Variants in KCNH8 observed in about 807,000 individuals in gnomAD.
KCNH8 encodes the protein potassium voltage-gated channel subfamily H member 8, also known as voltage-gated delayed rectifier potassium channel KCNH8.
In KCNH8, 70 loss-of-function variants were observed where a neutral mutation model predicts 103.6. The ratio of observed to expected loss-of-function variants is 0.68; its 90% CI spans 0.56 to 0.82. KCNH8 has a LOEUF of 0.82. Among genes scored for constraint, KCNH8 ranks in the 40% least tolerant of loss-of-function variants. The pLI, the probability that KCNH8 is intolerant of heterozygous loss-of-function variation, is 0.00. For synonymous variants in KCNH8, 498 were observed against 489.4 expected (o/e 1.02, Z -0.23); for missense variants, 1,217 against 1,329.9 (o/e 0.92, Z 1.32).
Position 19,148,716 on chromosome 3 carries a change from A to G in KCNH8, c.-4A>G, listed in dbSNP as rs950856348. ...GATGGAGAATTTCACACCACGCTGG[A>G]AAAATGCCGGTTATGAAAGGATTAC... On this transcript the variant is annotated 5_prime_UTR_variant, in exon 1 of 16. Transcript: ENST00000328405. The G allele has an allele frequency of 2.5e-6, 4 of 1,613,948 alleles. No homozygotes were observed. In the Admixed American group the frequency reaches 6.7e-5, roughly 27 times the overall value.
At chr3:19,322,385 G>A (rs1379856614) in intron 3 of KCNH8, among the ~76,000 whole-genome samples, 1 of 152,156 alleles carries the variant, frequency 6.6e-6, no homozygotes, top group Non-Finnish European at 1.5e-5. Flanking sequence ...TGGCTTTGCA[G>A]TGGTGAATTC....
At chr3:19,150,349 GTT>G in intron 1 of KCNH8, among the ~76,000 whole-genome samples, 1 of 145,898 alleles carries the variant, frequency 6.9e-6, no homozygotes, top group African/African-American at 2.5e-5. Flanking sequence ...TAATGTGGAT[GTT>G]TTTTTTTTTG....
intron 11 of KCNH8, among the ~76,000 whole-genome samples, chr3:19,509,740 C>T (rs146353815): frequency 8.4e-4 from 128 of 152,044 alleles, no homozygotes; most frequent in African/African-American, 2.9e-3. Context: ...ATATTTGATT[C>T]AATTAGGGGA....
chr3:19,296,764 G>C (rs2065001101), intron 3 of KCNH8, among the ~76,000 whole-genome samples: 1 of 151,954 alleles, frequency 6.6e-6, no homozygotes, highest in Non-Finnish European at 1.5e-5. Context: ...CAGGTGATGG[G>C]TGCACCAAAA....
chr3:19,479,951 A>G (rs2068055062), intron 11 of KCNH8, among the ~76,000 whole-genome samples: 1 of 152,190 alleles, frequency 6.6e-6, no homozygotes, highest in Non-Finnish European at 1.5e-5. Flanking sequence ...AGAAGATACC[A>G]TGAATCAGTC....
At chr3:19,300,131 C>G (rs549511121) in intron 3 of KCNH8, among the ~76,000 whole-genome samples, 1 of 151,888 alleles carries the variant, frequency 6.6e-6, no homozygotes, top group Non-Finnish European at 1.5e-5. Flanking sequence ...TGCCTGTATG[C>G]TTGGCTACTC....
chr3:19,341,327 G>A (rs2125316151), intron 3 of KCNH8, among the ~76,000 whole-genome samples: 1 of 152,142 alleles, frequency 6.6e-6, no homozygotes. Flanking sequence ...CTATCTATCA[G>A]GAGACTATCT....
chr3:19,278,725 G>A (rs1455223625), intron 2 of KCNH8, among the ~76,000 whole-genome samples: 1 of 152,154 alleles, frequency 6.6e-6, no homozygotes, highest in Non-Finnish European at 1.5e-5. Flanking sequence ...AAGTAATGAA[G>A]TTTTATTGAA....
intron 11 of KCNH8, among the ~76,000 whole-genome samples, chr3:19,483,878 T>C (rs1359798529): frequency 1.3e-5 from 2 of 152,192 alleles, no homozygotes; most frequent in South Asian, 4.1e-4. Context: ...ATTTTTTTCT[T>C]TTTTGAAGGT....
At chr3:19,393,826 A>G (rs2066474029) in intron 6 of KCNH8, among the ~76,000 whole-genome samples, 1 of 152,098 alleles carries the variant, frequency 6.6e-6, no homozygotes, top group South Asian at 2.1e-4. Context: ...TTGATATAGA[A>G]TAATTCACAA....
Position 19,317,938 on chromosome 3 carries a change from C to G in KCNH8, c.443-24649C>G, listed in dbSNP as rs79676298. Among the ~76,000 whole-genome samples, 409 of 152,074 alleles carry G rather than the reference C, an allele frequency of 2.7e-3. 1 individual carries two copies. The highest frequency in any genetic ancestry group is 9.4e-3 in the African/African-American group (392 of 41,524). ...CACAAGACAAGGATGCCCTCTCTCA[C>G]CAATCCTGTTCAACACAGTATTAGA... On this transcript the variant is annotated intron_variant, in intron 3 of 15. Transcript: ENST00000328405.
chr3:19,340,345 ATTT>A (rs143924691), intron 3 of KCNH8, among the ~76,000 whole-genome samples: 1 of 144,898 alleles, frequency 6.9e-6, no homozygotes, highest in African/African-American at 2.5e-5. Context: ...TATTTTTTTT[ATTT>A]TTTTTTTAAT....
chr3:19,168,225 G>A (rs1449149954), intron 1 of KCNH8, among the ~76,000 whole-genome samples: 1 of 151,700 alleles, frequency 6.6e-6, no homozygotes, highest in Middle Eastern at 3.4e-3. Context: ...ACAGGGTTTC[G>A]CCATGTTGAG....
At chr3:19,261,173 A>G (rs897366649) in intron 2 of KCNH8, among the ~76,000 whole-genome samples, 1 of 151,490 alleles carries the variant, frequency 6.6e-6, no homozygotes, top group African/African-American at 2.4e-5. Context: ...AGGAACCCCC[A>G]TACTGTTTTT....
At chr3:19,401,625 T>C (rs1208375409) in intron 7 of KCNH8, among the ~76,000 whole-genome samples, 3 of 152,026 alleles carry the variant, frequency 2.0e-5, no homozygotes, top group Non-Finnish European at 4.4e-5. Flanking sequence ...AAGATTTTAC[T>C]CTTTTGTCGT....
At chr3:19,502,801 T>A (rs1345686925) in intron 11 of KCNH8, among the ~76,000 whole-genome samples, 1 of 149,438 alleles carries the variant, frequency 6.7e-6, no homozygotes, top group Non-Finnish European at 1.5e-5. Flanking sequence ...GACTTAAACG[T>A]TAGACCTAAA....
chr3:19,347,425 CTG>C (rs1176125431), intron 4 of KCNH8, among the ~76,000 whole-genome samples: 3 of 152,086 alleles, frequency 2.0e-5, no homozygotes, highest in East Asian at 1.9e-4. Flanking sequence ...TTACATGTAA[CTG>C]TGAATGTTTT....
intron 11 of KCNH8, among the ~76,000 whole-genome samples, chr3:19,475,950 T>C (rs924067787): frequency 6.6e-6 from 1 of 152,160 alleles, no homozygotes; most frequent in Non-Finnish European, 1.5e-5. Context: ...CACGCACCAA[T>C]TTTGAGTACA....
intron 11 of KCNH8, among the ~76,000 whole-genome samples, chr3:19,492,326 T>G (rs1410798224): frequency 6.6e-6 from 1 of 152,228 alleles, no homozygotes; most frequent in Non-Finnish European, 1.5e-5. Context: ...CTTCTATCTT[T>G]CATCCATCTT....
Sources: gnomAD v4.1 joint callset for allele counts (sites outside exome capture counted in the v4.1 genomes callset) on GRCh38, gnomAD v4.1.1 for gene constraint, MANE v1.5 for transcripts, NCBI Gene and HGNC (gene_info 2026-07-23, HGNC 2026-07-21) for gene names.